Variants in ST18 observed in about 807,000 individuals in gnomAD.
ST18 encodes ST18 C2H2C-type zinc finger transcription factor, also known as suppression of tumorigenicity 18 protein.
ST18 carries 50 observed loss-of-function variants against 110.0 expected under a neutral mutation model. The ratio of observed to expected loss-of-function variants is 0.45; its 90% confidence interval spans 0.36 to 0.58. The LOEUF (loss-of-function observed/expected upper bound fraction) is 0.58, where lower values mean the gene tolerates loss of function less well. Among genes scored for constraint, ST18 ranks in the 20% least tolerant of loss-of-function variants. The pLI is 0.00. For synonymous variants in ST18, 461 were observed against 452.4 expected (o/e 1.02, Z -0.24); for missense variants, 1,306 against 1,280.1 (o/e 1.02, Z -0.31).
At chr8:52,154,888 A>G (rs924138834) in intron 15 of ST18, 1 of 151,536 alleles carries the variant, frequency 6.6e-6, no homozygotes, top group Non-Finnish European at 1.5e-5. Context: ...AGAAAAAAAA[A>G]AAAAAGAAAA....
chr8:52,129,633 C>A (rs533742185), intron 22 of ST18, among the ~76,000 whole-genome samples: 137 of 151,952 alleles, frequency 9.0e-4, no homozygotes, highest in African/African-American at 3.0e-3. Flanking sequence ...AAGAGGATAC[C>A]CCAAATTAAA....
In ST18 at chr8:52,118,456, A is replaced by G. The variant is rs1474534939; in HGVS notation, c.2756-15T>C. ...ACTCTCTATTCCTGTAAAGAGTAAG[A>G]CTACCTTAGTTCAAACTGAAAACTG... On this transcript the variant is annotated splice_polypyrimidine_tract_variant and intron_variant, in intron 23 of 25. Transcript: ENST00000689386. 4 of 1,489,476 alleles carry G rather than the reference A, an allele frequency of 2.7e-6. No individual in the cohort carries two copies. The African/African-American group carries it at 4.2e-5, about 16-fold the overall frequency. 92.3% of individuals were successfully genotyped at this position (1,489,476 alleles called of 1,614,324 possible). A position where few individuals can be genotyped will look rare whatever the true frequency, so the allele number is the denominator to read the frequency against.
chr8:52,195,472 T>G (rs1473491202), intron 8 of ST18, among the ~76,000 whole-genome samples: 1 of 152,056 alleles, frequency 6.6e-6, no homozygotes, highest in East Asian at 1.9e-4. Flanking sequence ...AAATTAAACA[T>G]AAATTATCTT....
intron 2 of ST18, among the ~76,000 whole-genome samples, chr8:52,238,378 A>G (rs967759777): frequency 6.6e-6 from 1 of 152,226 alleles, no homozygotes; most frequent in Admixed American, 6.5e-5. Flanking sequence ...TTATTCAGCC[A>G]TAAAAAGGAA....
At chr8:52,210,087 AAGTGGCCT>A (rs2081622100) in intron 8 of ST18, 3 of 456,074 alleles carry the variant, frequency 6.6e-6, no homozygotes, top group South Asian at 3.1e-5. Context: ...CTCACCAGGT[AAGTGGCCT>A]CATGTCCACG....
At chr8:52,333,314 AG>A (rs1287157939) in intron 2 of ST18, among the ~76,000 whole-genome samples, 5 of 148,158 alleles carry the variant, frequency 3.4e-5, no homozygotes, top group Non-Finnish European at 7.4e-5. Context: ...AAAAAAAAAA[AG>A]GTTAAATAGA....
In ST18 at chr8:52,133,085, T is replaced by C. The variant is rs975599641; in HGVS notation, c.2416A>G (p.Lys806Glu). ...RKGGVKMTPT[K>E]EEKEDPELKC... is the part of the protein sequence containing the mutation. Reference sequence around the variant, plus strand: ...AGTTCAGGGTCTTCTTTTTCTTCCTTGGTAGGGGTCATTTTGACACCACCT... The same window carrying C: ...AGTTCAGGGTCTTCTTTTTCTTCCTCGGTAGGGGTCATTTTGACACCACCT... The change falls in exon 21 of 26, where the codon AAG becomes GAG. Residue 806 changes from lysine to glutamate, a missense_variant. Physicochemically the swap from Lys to Glu is moderately conservative, Grantham distance 56. Transcript: ENST00000689386. The C allele has an allele frequency of 1.2e-6, 2 of 1,614,172 alleles. No homozygotes were observed. Among genetic ancestry groups the C allele is most frequent in the Non-Finnish European group, 1.7e-6 (2 of 1,180,024 alleles).
intron 8 of ST18, chr8:52,210,263 T>C (rs1001479847): frequency 7.6e-5 from 30 of 396,502 alleles, no homozygotes; most frequent in Non-Finnish European, 1.1e-4. Context: ...TAAGAGCAAA[T>C]TTTAAAGGCA....
At chr8:52,285,234 C>T (rs565296394) in intron 2 of ST18, among the ~76,000 whole-genome samples, 2 of 152,300 alleles carry the variant, frequency 1.3e-5, no homozygotes, top group East Asian at 3.9e-4. Context: ...TGCCATAACG[C>T]TTGATTCTGG....
intron 2 of ST18, among the ~76,000 whole-genome samples, chr8:52,274,927 G>A (rs2095190913): frequency 6.6e-6 from 1 of 151,994 alleles, no homozygotes; most frequent in Admixed American, 6.5e-5. Flanking sequence ...TACTTGTTAA[G>A]TGTGGGAAAT....
chr8:52,225,243 A>G (rs2136580995), intron 3 of ST18, among the ~76,000 whole-genome samples: 1 of 152,356 alleles, frequency 6.6e-6, no homozygotes. Context: ...TGATTTAAGT[A>G]ACAAAATAGC....
chr8:52,288,670 G>T lies in ST18; in HGVS notation c.-464-58593C>A, dbSNP rs145826554. On this transcript the variant is annotated intron_variant, in intron 2 of 25. Transcript: ENST00000689386. ...GATCGCACCACTGCACTCCAGTCTG[G>T]GTGGTAGACTAAGACTCAGTCTCAA... Among the ~76,000 whole-genome samples the T allele has an allele frequency of 3.5e-3, 529 of 151,352 alleles. 8 individuals carry two copies. Among genetic ancestry groups the T allele is most frequent in the African/African-American group, 0.012 (505 of 41,176 alleles).
rs73679085 is a variant in ST18 at position 52,384,688 on chromosome 8, G to C, written c.-465+24640C>G. Among the ~76,000 whole-genome samples, 934 of 152,082 alleles carry C rather than the reference G, an allele frequency of 6.1e-3. 6 individuals carry two copies. Among genetic ancestry groups the C allele is most frequent in the African/African-American group, 0.021 (884 of 41,464 alleles). On this transcript the variant is annotated intron_variant, in intron 2 of 25. Transcript: ENST00000689386. ...ATCTTCAATGGCTAATTTAAGTATT[G>C]CTTCTTCGGTAGAGATGTCTCGGCT... is the stretch of plus-strand genomic sequence containing the variant.
intron 21 of ST18, 24 bp from the exon 22 acceptor site, chr8:52,132,203 C>CCTT (rs143191978): frequency 0.013 from 20,054 of 1,591,066 alleles, 188 homozygotes; most frequent in Middle Eastern, 0.018. Flanking sequence ...AGAGACATTA[C>CCTT]CAGCCAGGAA....
chr8:52,301,815 C>T lies in ST18; in HGVS notation c.-464-71738G>A, dbSNP rs571026367. On this transcript the variant is annotated intron_variant, in intron 2 of 25. Transcript: ENST00000689386. ...GAAACATATTATGCCTTTCATCCTT[C>T]CTCCTTTTTTTCCTCATTTCTTTCC... 4 of 152,320 alleles carry T rather than the reference C, an allele frequency of 2.6e-5. No individual in the cohort carries two copies. In the South Asian group the frequency reaches 6.2e-4, roughly 24 times the overall value. 9.4% of individuals were successfully genotyped at this position (152,320 alleles called of 1,614,324 possible). A position where few individuals can be genotyped will look rare whatever the true frequency, so the allele number is the denominator to read the frequency against.
intron 8 of ST18, among the ~76,000 whole-genome samples, chr8:52,198,394 C>T (rs1352993219): frequency 6.6e-6 from 1 of 152,178 alleles, no homozygotes; most frequent in African/African-American, 2.4e-5. Flanking sequence ...ATATAGGCTC[C>T]TTTTTTAGTT....
intron 2 of ST18, among the ~76,000 whole-genome samples, chr8:52,365,943 C>T (rs1409637056): frequency 6.6e-6 from 1 of 151,460 alleles, no homozygotes; most frequent in Non-Finnish European, 1.5e-5. Context: ...TCAATCAATT[C>T]TCCTGCCTCG....
At chr8:52,118,865 C>G (rs148029747) in intron 23 of ST18, among the ~76,000 whole-genome samples, 16 of 152,258 alleles carry the variant, frequency 1.1e-4, no homozygotes, top group South Asian at 8.3e-4. Flanking sequence ...AGAGGCAGAG[C>G]TGGGATTAAA....
chr8:52,205,420 G>A (rs1328131221), intron 8 of ST18, among the ~76,000 whole-genome samples: 1 of 151,640 alleles, frequency 6.6e-6, no homozygotes, highest in Non-Finnish European at 1.5e-5. Flanking sequence ...CATTTCAAAA[G>A]AAAAAACAAA....
Sources: allele counts gnomAD v4.1 joint callset (sites outside exome capture counted in the v4.1 genomes callset), GRCh38; gene constraint gnomAD v4.1.1; transcripts MANE v1.5; gene names NCBI Gene and HGNC (gene_info 2026-07-23, HGNC 2026-07-21).